USH2A: variants seen among roughly 807,000 people sequenced by gnomAD.
USH2A encodes Usher syndrome 2A (autosomal recessive, mild).
Under a neutral mutation model 538.9 loss-of-function variants are expected in USH2A, and 443 were observed. That is an observed-to-expected ratio of 0.82 (90% confidence interval 0.76 to 0.89). USH2A has a LOEUF of 0.89. USH2A is among the 40% of genes least tolerant of loss of function. The probability of loss-of-function intolerance (pLI) is 0.00; values close to 1 mark genes in which losing one functional copy is unlikely to be tolerated. For synonymous variants in USH2A, 2,413 were observed against 2,273.5 expected (o/e 1.06, Z -1.75); for missense variants, 6,633 against 6,324.8 (o/e 1.05, Z -1.65).
At chr1:216,148,570 G>C (rs1459058771) in intron 21 of USH2A, among the ~76,000 whole-genome samples, 2 of 152,064 alleles carry the variant, frequency 1.3e-5, no homozygotes. Context: ...AAGGATTAAA[G>C]CCTGTTATCA....
At chr1:215,938,664 T>C (rs1171218370) in intron 37 of USH2A, among the ~76,000 whole-genome samples, 1 of 152,150 alleles carries the variant, frequency 6.6e-6, no homozygotes, top group Admixed American at 6.6e-5. Flanking sequence ...CAAGACCTTT[T>C]AAGCTTCTGA....
chr1:215,887,155 C>A (rs775297821), intron 41 of USH2A, among the ~76,000 whole-genome samples: 5 of 152,180 alleles, frequency 3.3e-5, no homozygotes, highest in Non-Finnish European at 5.9e-5. Context: ...CCGCACCCGG[C>A]CTGAAAATAC....
chr1:216,295,389 T>C (rs1438974906), intron 9 of USH2A, among the ~76,000 whole-genome samples: 2 of 151,770 alleles, frequency 1.3e-5, no homozygotes, highest in African/African-American at 4.8e-5. Flanking sequence ...GAGTTTTACA[T>C]TTATAATCAT....
chr1:215,948,443 T>TATATATATAC (rs749886577), intron 37 of USH2A, among the ~76,000 whole-genome samples: 19 of 147,248 alleles, frequency 1.3e-4, no homozygotes, highest in Middle Eastern at 3.5e-3. Context: ...TATATATATA[T>TATATATATAC]ACACACACAC....
chr1:215,659,295 A>C (rs1397461685), intron 64 of USH2A, among the ~76,000 whole-genome samples: 1 of 152,224 alleles, frequency 6.6e-6, no homozygotes, highest in Non-Finnish European at 1.5e-5. Context: ...TATGGAAAAG[A>C]AAAGCATGTG....
rs1057476315 is a variant in USH2A, at chr1:216,035,633, T to C, written c.6325+10798A>G. On this transcript the variant is annotated intron_variant, in intron 32 of 71. Coordinates refer to ENST00000307340, the MANE Select transcript of USH2A (RefSeq NM_206933.4). Reference sequence around the variant, plus strand: ...AATATTTGTATATATTTGCTATATATTGGATGATTAAATGAAAAATCCTAA... The same window carrying C: ...AATATTTGTATATATTTGCTATATACTGGATGATTAAATGAAAAATCCTAA... Among the ~76,000 whole-genome samples the C allele has an allele frequency of 2.0e-5, 3 of 152,162 alleles. No individual in the cohort carries two copies. The South Asian group carries it at 6.2e-4, about 32-fold the overall frequency.
chr1:216,286,706 A>T (rs1430277754), intron 11 of USH2A, among the ~76,000 whole-genome samples: 18 of 152,034 alleles, frequency 1.2e-4, no homozygotes, highest in Admixed American at 1.2e-3. Flanking sequence ...CCTGGGTGAC[A>T]GAGCGAGACT....
At chr1:215,636,372 G>T (rs986250785) in intron 69 of USH2A, among the ~76,000 whole-genome samples, 3 of 152,176 alleles carry the variant, frequency 2.0e-5, no homozygotes, top group Admixed American at 1.3e-4. Flanking sequence ...CTCTGCTGCC[G>T]ATCAGCTCTG....
Position 215,865,500 on chromosome 1 carries a change from G to C in USH2A, c.8845+1507C>G, listed in dbSNP as rs768568739. ...ACAGAAGTATTCAAATGTCAGATGAGGGGGGAGAGCCTACCTTTATGAGTA... is the reference window on the plus strand; with the variant it reads ...ACAGAAGTATTCAAATGTCAGATGACGGGGGAGAGCCTACCTTTATGAGTA... On this transcript the variant is annotated intron_variant, in intron 44 of 71. Transcript: ENST00000307340. Among the ~76,000 whole-genome samples the C allele has an allele frequency of 6.3e-4, 96 of 152,254 alleles. 4 individuals carry two copies. Among genetic ancestry groups the C allele is most frequent in the South Asian group, 6.2e-4 (3 of 4,826 alleles).
At position 215,786,745 on chromosome 1, in the gene USH2A, C is replaced by G. The variant is rs146980351; in HGVS notation, c.10312G>C (p.Ala3438Pro). Residue 3438 changes from alanine (A) to proline (P), a missense_variant, in exon 52 of 72, where the codon GCA (alanine) becomes CCA (proline). Ala to Pro is a conservative substitution (Grantham distance 27, BLOSUM62 -1). Transcript: ENST00000307340. The part of the protein sequence containing the change: ...IRGSHNSTGK[A>P]SIEEMCSSAE... The stretch of plus-strand genomic sequence containing the variant: ...GATGAACACATTTCTTCAATTGATG[C>G]CTTCCCTGTGGAATTGTGAGACCCT... The G allele has an allele frequency of 6.2e-6, 10 of 1,613,974 alleles. No homozygotes were observed. In the African/African-American group the frequency reaches 6.7e-5, roughly 11 times the overall value.
At chr1:216,354,913 G>A (rs2038355458) in intron 4 of USH2A, among the ~76,000 whole-genome samples, 1 of 152,030 alleles carries the variant, frequency 6.6e-6, no homozygotes, top group African/African-American at 2.4e-5. Flanking sequence ...AAGAATTTAA[G>A]CAAACCTCAA....
At chr1:216,156,036 A>C (rs1463902892) in intron 21 of USH2A, among the ~76,000 whole-genome samples, 1 of 152,128 alleles carries the variant, frequency 6.6e-6, no homozygotes, top group Non-Finnish European at 1.5e-5. Flanking sequence ...TGGTCTTATA[A>C]AGATGAATAA....
chr1:216,023,459 C>CAAAAAAAAAAAAAAA lies in USH2A; in HGVS notation c.6326-22912_6326-22898dup. 2.7e-3 allele frequency among the ~76,000 whole-genome samples: 126 copies of CAAAAAAAAAAAAAAA among 46,874 alleles called. 2 individuals carry two copies. The highest frequency in any genetic ancestry group is 4.7e-3 in the East Asian group (6 of 1,276). The allele number at this position is 46,874 out of a possible 152,430, so 30.8% of individuals were successfully genotyped here. ...CCTCTTAAAAACTGTTCAAAGCAGA[C>CAAAAAAAAAAAAAAA]AAAAAAAAAAAAAAAAAAAAAAATC... On this transcript the variant is annotated intron_variant, in intron 32 of 71. Coordinates refer to ENST00000307340, the MANE Select transcript of USH2A (RefSeq NM_206933.4).
chr1:216,199,509 T>G, intron 17 of USH2A, 118 bp downstream of exon 17: 1 of 1,441,732 alleles, frequency 6.9e-7, no homozygotes, highest in Non-Finnish European at 9.7e-7. Flanking sequence ...TGTTTCTCAA[T>G]TATTATATTG....
intron 21 of USH2A, among the ~76,000 whole-genome samples, chr1:216,149,344 C>T (rs771781285): frequency 5.9e-5 from 9 of 152,282 alleles, no homozygotes; most frequent in Non-Finnish European, 1.0e-4. Context: ...AGTCTGATAA[C>T]GGACCAGCCT....
intron 37 of USH2A, among the ~76,000 whole-genome samples, chr1:215,946,659 T>C (rs1156959827): frequency 1.3e-5 from 2 of 152,202 alleles, no homozygotes; most frequent in Non-Finnish European, 2.9e-5. Context: ...GTTCTAAACC[T>C]TTGCTGTCCA....
At chr1:215,705,241 T>A (rs1571972883) in intron 61 of USH2A, among the ~76,000 whole-genome samples, 1 of 152,250 alleles carries the variant, frequency 6.6e-6, no homozygotes, top group Non-Finnish European at 1.5e-5. Flanking sequence ...ATTGAAAGAC[T>A]TCTTTAGACT....
rs971765939 is a variant in USH2A, at chr1:216,316,097, G to A, written c.1644+5786C>T. 3.9e-5 allele frequency among the ~76,000 whole-genome samples: 6 copies of A among 152,102 alleles called. No individual in the cohort carries two copies. The South Asian group carries it at 1.0e-3, about 26-fold the overall frequency. ...TAAAGTCAAGGCCTTAAAATTGCCAGTACAATACAAAAATGTATCGGAGTT... is the reference window on the plus strand; with the variant it reads ...TAAAGTCAAGGCCTTAAAATTGCCAATACAATACAAAAATGTATCGGAGTT... On this transcript the variant is annotated intron_variant, in intron 9 of 71. Transcript: ENST00000307340.
intron 4 of USH2A, among the ~76,000 whole-genome samples, chr1:216,337,133 AGT>A: frequency 6.6e-6 from 1 of 151,598 alleles, no homozygotes; most frequent in African/African-American, 2.4e-5. Flanking sequence ...AAGTACTCTA[AGT>A]ATTTTAGGGG....
Sources: gnomAD v4.1 joint callset for allele counts (sites outside exome capture counted in the v4.1 genomes callset) on GRCh38, gnomAD v4.1.1 for gene constraint, MANE v1.5 for transcripts, NCBI Gene and HGNC (gene_info 2026-07-23, HGNC 2026-07-21) for gene names.